Variants in MEGF10 observed in about 807,000 individuals in gnomAD.
The protein encoded by MEGF10 is multiple EGF like domains 10, also known as multiple epidermal growth factor-like domains protein 10.
Under a neutral mutation model 147.5 loss-of-function variants are expected in MEGF10, and 86 were observed. The observed-to-expected ratio is 0.58, with a 90% CI of 0.49 to 0.70. MEGF10 has a LOEUF of 0.70. MEGF10 is among the 30% of genes least tolerant of loss of function. The pLI is 0.00. For missense variants in MEGF10, 1,329 were observed against 1,487.3 expected (o/e 0.89, Z 1.75); for synonymous variants, 478 against 525.5 (o/e 0.91, Z 1.24).
upstream of MEGF10, among the ~76,000 whole-genome samples, chr5:127,286,954 A>G (rs147530204): frequency 7.2e-5 from 11 of 152,104 alleles, no homozygotes; most frequent in East Asian, 2.1e-3. Flanking sequence ...AATACATTAC[A>G]TGGACCAAGT....
At chr5:127,268,911 A>G in the MEGF10 span, among the ~76,000 whole-genome samples, 1 of 152,250 alleles carries the variant, frequency 6.6e-6, no homozygotes, top group African/African-American at 2.4e-5. Flanking sequence ...ACGATCAGGC[A>G]GCAACATTTG....
At chr5:127,411,021 A>G (rs1169975547) in intron 9 of MEGF10, among the ~76,000 whole-genome samples, 1 of 151,688 alleles carries the variant, frequency 6.6e-6, no homozygotes, top group Non-Finnish European at 1.5e-5. Context: ...TCGACAGCAC[A>G]TCTGTGGAAG....
At chr5:127,379,594 C>CTTTTTTTT (rs36030791) in intron 5 of MEGF10, among the ~76,000 whole-genome samples, 4 of 90,378 alleles carry the variant, frequency 4.4e-5, no homozygotes, top group South Asian at 4.0e-4. Flanking sequence ...TGGCCAGCTT[C>CTTTTTTTT]TTTTTTTTTT....
intron 19 of MEGF10, chr5:127,444,508 A>G (rs1276427373): frequency 6.6e-6 from 1 of 152,228 alleles, no homozygotes; most frequent in Non-Finnish European, 1.5e-5. Flanking sequence ...AGCTGGAAGC[A>G]GTGACATGGA....
chr5:127,452,572 G>A (rs1658124685), intron 22 of MEGF10, among the ~76,000 whole-genome samples: 1 of 152,130 alleles, frequency 6.6e-6, no homozygotes, highest in African/African-American at 2.4e-5. Flanking sequence ...TACAGTTTAT[G>A]GGGGGCTCAG....
At chr5:127,442,381 C>G (rs2127018661) in intron 18 of MEGF10, among the ~76,000 whole-genome samples, 1 of 152,270 alleles carries the variant, frequency 6.6e-6, no homozygotes, top group African/African-American at 2.4e-5. Context: ...AAATTCATGC[C>G]TAACTCTTAT....
chr5:127,349,810 C>T (rs1762026923), intron 4 of MEGF10, among the ~76,000 whole-genome samples: 1 of 151,892 alleles, frequency 6.6e-6, no homozygotes, highest in East Asian at 1.9e-4. Context: ...GATGGCGTAC[C>T]CAGTATTCAT....
At chr5:127,257,450 G>C in the MEGF10 span, among the ~76,000 whole-genome samples, 2 of 152,020 alleles carry the variant, frequency 1.3e-5, no homozygotes, top group Admixed American at 1.3e-4. Context: ...TATTTCTGAG[G>C]CTTTTCAATT....
rs370563737 is a variant in MEGF10, at chr5:127,449,236, A to G, written c.2980+14A>G. On this transcript the variant is annotated intron_variant, in intron 22 of 24. Transcript: ENST00000503335. ...TCAACGAGCTCGGTGAGTTCTCCCA[A>G]CGCACGTCCCCAGAAGCACCTTGAC... is the stretch of plus-strand genomic sequence containing the variant. 1.2e-4 allele frequency: 198 copies of G among 1,612,948 alleles called. No homozygotes were observed. The highest frequency in any genetic ancestry group is 1.6e-4 in the Non-Finnish European group (186 of 1,179,710).
intron 16 of MEGF10, among the ~76,000 whole-genome samples, chr5:127,437,481 T>C (rs962409698): frequency 6.6e-6 from 1 of 152,236 alleles, no homozygotes; most frequent in African/African-American, 2.4e-5. Context: ...TTATTGATTG[T>C]CTTTATAGGT....
chr5:127,335,941 G>A (rs1178890965), intron 2 of MEGF10, among the ~76,000 whole-genome samples: 2 of 150,898 alleles, frequency 1.3e-5, no homozygotes, highest in East Asian at 4.0e-4. Context: ...AAAATAATGT[G>A]TAAGAAACAA....
intron 4 of MEGF10, 96 bp downstream of exon 4, chr5:127,340,726 G>A: frequency 3.2e-6 from 3 of 949,724 alleles, no homozygotes; most frequent in Non-Finnish European, 1.7e-6. Flanking sequence ...TGGGGAGATG[G>A]GTGTCTTGGA....
At chr5:127,358,801 T>C (rs1270750493) in intron 4 of MEGF10, among the ~76,000 whole-genome samples, 1 of 152,218 alleles carries the variant, frequency 6.6e-6, no homozygotes, top group Non-Finnish European at 1.5e-5. Context: ...AACTAGAGTT[T>C]ATTCCAGTGC....
intron 20 of MEGF10, 122 bp downstream of exon 20, chr5:127,445,815 CTA>C (rs1765924825): frequency 8.0e-6 from 6 of 746,260 alleles, no homozygotes; most frequent in East Asian, 4.9e-5. Context: ...TGAGAGAATT[CTA>C]TGTTTGGAAA....
Position 127,455,573 on chromosome 5 carries a change from C to T in MEGF10, c.3198C>T (p.Asn1066=), listed in dbSNP as rs1226190215. The change falls in exon 24 of 25, where the codon AAC becomes AAT. Residue 1066 remains asparagine (N), a synonymous_variant. Transcript: ENST00000503335. ...ATTCCCCATATGCAGAGATCAATAA[C>T]TCAACTTCAGCCAACAGGAATGTCT... The part of the protein sequence containing the change: ...RRDSPYAEIN[N]STSANRNVYE... The T allele has an allele frequency of 6.2e-7, 1 of 1,614,118 alleles. No homozygotes were observed. The highest frequency in any genetic ancestry group is 2.2e-5 in the East Asian group (1 of 44,866).
chr5:127,325,892 T>A (rs1761003382), intron 1 of MEGF10, among the ~76,000 whole-genome samples: 1 of 30,452 alleles, frequency 3.3e-5, no homozygotes, highest in Non-Finnish European at 7.5e-5. Flanking sequence ...TGTGTGTATA[T>A]ATATATATAT....
Position 127,331,351 on chromosome 5 carries a change from TTGTTA to T in MEGF10, c.46_50del (p.Leu16ProfsTer12). On this transcript the variant is annotated frameshift_variant, in exon 2 of 25. Transcript: ENST00000503335. LOFTEE classifies it high-confidence loss of function. The stretch of plus-strand genomic sequence containing the variant: ...CTCATGCCTGAGCTTTATTTGTTTA[TTGTTA>T]TGCCACTGGATTGGGACAGCATCAC... The T allele has an allele frequency of 6.2e-7, 1 of 1,613,468 alleles. No individual in the cohort carries two copies. Among genetic ancestry groups the T allele is most frequent in the Non-Finnish European group, 8.5e-7 (1 of 1,179,492 alleles).
chr5:127,255,428 A>G, the MEGF10 span, among the ~76,000 whole-genome samples: 1 of 152,146 alleles, frequency 6.6e-6, no homozygotes, highest in African/African-American at 2.4e-5. Flanking sequence ...TAGCCTTTCA[A>G]TAGTCTTACA....
chr5:127,359,210 A>G (rs181775296), intron 4 of MEGF10, among the ~76,000 whole-genome samples: 93 of 152,118 alleles, frequency 6.1e-4, no homozygotes, highest in Non-Finnish European at 4.4e-5. Flanking sequence ...AAAGAGCTCT[A>G]CCCTCCAGTG....
Sources: gnomAD v4.1 joint callset for allele counts (sites outside exome capture counted in the v4.1 genomes callset) on GRCh38, gnomAD v4.1.1 for gene constraint, MANE v1.5 for transcripts, NCBI Gene and HGNC (gene_info 2026-07-23, HGNC 2026-07-21) for gene names.